Variants in EGLN1 observed in about 807,000 individuals in gnomAD.
EGLN1 encodes egl-9 family hypoxia inducible factor 1, also known as egl nine homolog 1.
EGLN1 carries 17 observed loss-of-function variants against 38.3 expected under a neutral mutation model. The ratio of observed to expected loss-of-function variants is 0.44; its 90% CI spans 0.30 to 0.67. The LOEUF (loss-of-function observed/expected upper bound fraction) is 0.67. Ranked by LOEUF, EGLN1 falls within the 30% of genes least tolerant of loss-of-function variation. The pLI is 0.08. For synonymous variants in EGLN1, 283 were observed against 257.5 expected (o/e 1.10, Z -0.95); for missense variants, 477 against 603.3 (o/e 0.79, Z 2.19).
chr1:231,369,597 CAGTA>C (rs1396033363), intron 3 of EGLN1: 1 of 985,120 alleles, frequency 1.0e-6, no homozygotes, highest in Non-Finnish European at 1.2e-6. Flanking sequence ...GCTTGCTACT[CAGTA>C]CGTGAATTAG....
chr1:231,386,487 T>C (rs1448746712), intron 1 of EGLN1, among the ~76,000 whole-genome samples: 2 of 152,262 alleles, frequency 1.3e-5, no homozygotes, highest in African/African-American at 2.4e-5. Context: ...TTAACCTCAT[T>C]CTACTTTTAT....
chr1:231,378,708 A>G (rs1688014492), intron 1 of EGLN1, among the ~76,000 whole-genome samples: 1 of 152,186 alleles, frequency 6.6e-6, no homozygotes, highest in African/African-American at 2.4e-5. Context: ...ATTTATTTCT[A>G]GCATTAGAAG....
intron 1 of EGLN1, among the ~76,000 whole-genome samples, chr1:231,389,431 AG>A (rs1315393097): frequency 6.6e-6 from 1 of 152,148 alleles, no homozygotes; most frequent in African/African-American, 2.4e-5. Context: ...TTTAAAGAAA[AG>A]TGGCCAAAAT....
intron 1 of EGLN1, among the ~76,000 whole-genome samples, chr1:231,418,648 G>A (rs896129118): frequency 6.6e-6 from 1 of 152,130 alleles, no homozygotes; most frequent in Admixed American, 6.5e-5. Context: ...AGGATCCCCT[G>A]AGCCGAGGAG....
At chr1:231,393,455 T>A (rs1688444701) in intron 1 of EGLN1, among the ~76,000 whole-genome samples, 1 of 152,204 alleles carries the variant, frequency 6.6e-6, no homozygotes, top group Non-Finnish European at 1.5e-5. Context: ...AATTACTAGC[T>A]GCGTGGCCCT....
At chr1:231,414,346 T>A (rs138742940) in intron 1 of EGLN1, among the ~76,000 whole-genome samples, 2 of 152,126 alleles carry the variant, frequency 1.3e-5, no homozygotes, top group East Asian at 3.9e-4. Context: ...GCTGACAACA[T>A]CAATCCAAAG....
intron 1 of EGLN1, among the ~76,000 whole-genome samples, chr1:231,385,089 C>G (rs1688168047): frequency 6.6e-6 from 1 of 152,114 alleles, no homozygotes; most frequent in Non-Finnish European, 1.5e-5. Context: ...GATACTCATA[C>G]TATCTTAAAG....
In EGLN1 at chr1:231,421,785, C is replaced by A; in HGVS notation, c.104G>T (p.Arg35Leu). The change falls in exon 1 of 5, where the codon CGC becomes CTC. Residue 35 changes from arginine (R) to leucine (L), a missense_variant. Coordinates refer to ENST00000366641, the MANE Select transcript of EGLN1 (RefSeq NM_022051.3). This position sits in a 1 kb window ranked among gnomAD's most constrained non-coding sequence, Gnocchi z 5.5. ...GCAGCAGTAGAAGGAGCTGCGGCAG[C>A]GGCTGCAGCGCAGCAGGTTCTCCAT... ...GKMENLLRCS[R>L]CRSSFYCCKE... 6.4e-7 allele frequency: 1 copy of A among 1,557,764 alleles called. No homozygotes were observed. Among genetic ancestry groups the A allele is most frequent in the Non-Finnish European group, 8.6e-7 (1 of 1,161,844 alleles).
intron 1 of EGLN1, among the ~76,000 whole-genome samples, chr1:231,408,479 T>G (rs553612284): frequency 1.3e-5 from 2 of 152,244 alleles, no homozygotes; most frequent in South Asian, 4.1e-4. Flanking sequence ...TGAGTAAGAT[T>G]TTTATGAGTG....
chr1:231,380,585 A>C (rs531006691), intron 1 of EGLN1, among the ~76,000 whole-genome samples: 16 of 152,254 alleles, frequency 1.1e-4, no homozygotes, highest in African/African-American at 3.8e-4. Flanking sequence ...TAAATCCTTG[A>C]TATTTTCCTA....
intron 1 of EGLN1, among the ~76,000 whole-genome samples, chr1:231,376,583 C>CA (rs1687963323): frequency 6.6e-6 from 1 of 152,152 alleles, no homozygotes; most frequent in Middle Eastern, 3.4e-3. Flanking sequence ...TCCACAGTTT[C>CA]AGGCATCCAC....
chr1:231,388,893 G>A (rs889901344), intron 1 of EGLN1, among the ~76,000 whole-genome samples: 3 of 152,118 alleles, frequency 2.0e-5, no homozygotes, highest in Admixed American at 6.6e-5. Flanking sequence ...AACCTCAGGC[G>A]ATCTGCCCAC....
chr1:231,412,786 T>C lies in EGLN1; in HGVS notation c.891+8212A>G, dbSNP rs532040426. 2.0e-5 allele frequency among the ~76,000 whole-genome samples: 3 copies of C among 152,248 alleles called. No homozygotes were observed. The East Asian group carries it at 5.8e-4, about 29-fold the overall frequency. ...CTGGGAAGTAAGTGTCAGCAAGCTA[T>C]CATAAATGGCAACACTGAAAAAGTG... On this transcript the variant is annotated intron_variant, in intron 1 of 4. Coordinates refer to ENST00000366641, the MANE Select transcript of EGLN1 (RefSeq NM_022051.3).
Position 231,390,062 on chromosome 1 carries a change from C to A in EGLN1, c.892-15963G>T, listed in dbSNP as rs115020392. 8.0e-3 allele frequency among the ~76,000 whole-genome samples: 1,219 copies of A among 152,288 alleles called. 20 individuals are homozygous for A. The highest frequency in any genetic ancestry group is 0.028 in the African/African-American group (1,155 of 41,546). On this transcript the variant is annotated intron_variant, in intron 1 of 4. Coordinates refer to ENST00000366641, the MANE Select transcript of EGLN1 (RefSeq NM_022051.3). ...CACTTACTGACTGTGTTACTTTGGG[C>A]AAATTATTCAACTTCTCTGTACCTA... is the stretch of plus-strand genomic sequence containing the variant.
At chr1:231,386,752 C>A (rs1558384931) in intron 1 of EGLN1, among the ~76,000 whole-genome samples, 1 of 152,102 alleles carries the variant, frequency 6.6e-6, no homozygotes, top group Non-Finnish European at 1.5e-5. Context: ...ATAGATTAGA[C>A]AGATAAAGAA....
At chr1:231,405,941 G>A (rs1157363496) in intron 1 of EGLN1, among the ~76,000 whole-genome samples, 9 of 150,184 alleles carry the variant, frequency 6.0e-5, no homozygotes, top group South Asian at 2.1e-4. Context: ...AAACTAGTAT[G>A]AATTCTAGTT....
intron 1 of EGLN1, among the ~76,000 whole-genome samples, chr1:231,418,727 GTGGT>G (rs1656427997): frequency 1.3e-5 from 2 of 152,016 alleles, no homozygotes; most frequent in African/African-American, 2.4e-5. Flanking sequence ...GCCAAGTATG[GTGGT>G]GTGTGCCTAC....
At chr1:231,378,071 C>G (rs1688001276) in intron 1 of EGLN1, among the ~76,000 whole-genome samples, 1 of 152,070 alleles carries the variant, frequency 6.6e-6, no homozygotes, top group Non-Finnish European at 1.5e-5. Flanking sequence ...CCCTAGGTCC[C>G]TTGTGCTCTG....
intron 1 of EGLN1, among the ~76,000 whole-genome samples, chr1:231,416,535 T>A (rs991652180): frequency 6.6e-6 from 1 of 151,826 alleles, no homozygotes; most frequent in Non-Finnish European, 1.5e-5. Flanking sequence ...GCCTGGCTAA[T>A]TTTTTAATTT....
Sources: allele counts gnomAD v4.1 joint callset (sites outside exome capture counted in the v4.1 genomes callset), GRCh38; gene constraint gnomAD v4.1.1; non-coding constraint Gnocchi (gnomAD v3.1); transcripts MANE v1.5; gene names NCBI Gene and HGNC (gene_info 2026-07-23, HGNC 2026-07-21).